DTNA: variants seen among roughly 807,000 people sequenced by gnomAD.
DTNA encodes dystrobrevin alpha.
A neutral mutation model predicts 100.7 loss-of-function variants in DTNA; 43 were observed. The observed-to-expected ratio is 0.43, with a 90% CI of 0.33 to 0.55. The LOEUF is 0.55. Ranked by LOEUF, DTNA falls within the 20% of genes least tolerant of loss-of-function variation. The probability of loss-of-function intolerance (pLI) is 0.04; values close to 1 mark genes in which losing one functional copy is unlikely to be tolerated. For missense variants in DTNA, 798 were observed against 953.9 expected (o/e 0.84, Z 2.15); for synonymous variants, 349 against 347.9 (o/e 1.00, Z -0.04).
At chr18:34,698,312 A>G (rs1240814929) in intron 1 of DTNA, among the ~76,000 whole-genome samples, 3 of 152,214 alleles carry the variant, frequency 2.0e-5, no homozygotes, top group Non-Finnish European at 4.4e-5. Context: ...TTTTTCTGTC[A>G]TAGCTTTGTA....
intron 17 of DTNA, among the ~76,000 whole-genome samples, chr18:34,874,422 C>T (rs1301194571): frequency 3.3e-5 from 5 of 152,224 alleles, no homozygotes; most frequent in Non-Finnish European, 1.5e-5. Flanking sequence ...CATTTAGAGA[C>T]AAATCCTTAA....
chr18:34,635,691 G>A (rs904203216), intron 1 of DTNA, among the ~76,000 whole-genome samples: 3 of 151,858 alleles, frequency 2.0e-5, no homozygotes, highest in Non-Finnish European at 2.9e-5. Context: ...TTTACTTAAC[G>A]ATAACAAAAA....
At chr18:34,655,777 T>C (rs1254194936) in intron 1 of DTNA, among the ~76,000 whole-genome samples, 1 of 152,208 alleles carries the variant, frequency 6.6e-6, no homozygotes, top group African/African-American at 2.4e-5. Context: ...TTGAGCACAA[T>C]AAAACTCTTA....
intron 9 of DTNA, chr18:34,825,164 G>C (rs1308069344): frequency 6.8e-7 from 1 of 1,466,912 alleles, no homozygotes; most frequent in Non-Finnish European, 9.5e-7. Flanking sequence ...TGAGCAGGTG[G>C]TGACATTTTG....
At chr18:34,863,849 C>A in intron 16 of DTNA, 117 bp from the exon 17 acceptor site, 2 of 961,320 alleles carry the variant, frequency 2.1e-6, no homozygotes, top group Non-Finnish European at 3.2e-6. Flanking sequence ...GCCTGGTAAC[C>A]TTGTCAGAGA....
chr18:34,655,154 C>G (rs189933365), intron 1 of DTNA, among the ~76,000 whole-genome samples: 6 of 152,104 alleles, frequency 3.9e-5, no homozygotes, highest in Non-Finnish European at 7.3e-5. Context: ...TGTAAACCCC[C>G]GTTTAAGTAG....
intron 6 of DTNA, among the ~76,000 whole-genome samples, chr18:34,813,804 T>C (rs908310638): frequency 2.1e-5 from 3 of 141,730 alleles, no homozygotes; most frequent in African/African-American, 5.4e-5. Context: ...ATTGTGCCAC[T>C]GCACTCCAGC....
At position 34,605,542 on chromosome 18, in the gene DTNA, G is replaced by A. The variant is rs974497244; in HGVS notation, c.-2+112028G>A. Among the ~76,000 whole-genome samples the A allele has an allele frequency of 3.3e-5, 5 of 151,908 alleles. No homozygotes were observed. The East Asian group carries it at 9.6e-4, about 29-fold the overall frequency. On this transcript the variant is annotated intron_variant, in intron 1 of 19. Transcript: ENST00000283365. ...TCTGATGACAAGGGATGAAGCAAAT[G>A]AAAGTGCTGCTGCCTGGCTTAGTTA...
At chr18:34,496,931 C>G (rs1194433520) in intron 1 of DTNA, among the ~76,000 whole-genome samples, 1 of 152,132 alleles carries the variant, frequency 6.6e-6, no homozygotes, top group Non-Finnish European at 1.5e-5. Context: ...CTAGTTACTT[C>G]TGTATTCACC....
At chr18:34,671,081 T>G (rs2145060687) in intron 1 of DTNA, among the ~76,000 whole-genome samples, 1 of 152,310 alleles carries the variant, frequency 6.6e-6, no homozygotes, top group African/African-American at 2.4e-5. Flanking sequence ...CAGTTCAAGC[T>G]TCCCAGCTGC....
chr18:34,795,394 T>C (rs1037374365), intron 4 of DTNA, among the ~76,000 whole-genome samples: 1 of 152,220 alleles, frequency 6.6e-6, no homozygotes, highest in African/African-American at 2.4e-5. Context: ...AAATAAACAA[T>C]TTTACAACTA....
intron 3 of DTNA, among the ~76,000 whole-genome samples, chr18:34,788,145 T>C (rs1484076280): frequency 6.6e-6 from 1 of 152,180 alleles, no homozygotes; most frequent in African/African-American, 2.4e-5. Context: ...ATCTAGTGGT[T>C]CATAGTCATT....
intron 1 of DTNA, among the ~76,000 whole-genome samples, chr18:34,534,805 C>T (rs1055241870): frequency 2.0e-5 from 3 of 152,080 alleles, no homozygotes; most frequent in Non-Finnish European, 2.9e-5. Flanking sequence ...ATCCATATCC[C>T]TGCAAAGGAC....
chr18:34,780,629 C>T (rs1186976881), intron 3 of DTNA, among the ~76,000 whole-genome samples: 4 of 152,120 alleles, frequency 2.6e-5, no homozygotes, highest in Non-Finnish European at 5.9e-5. Flanking sequence ...TCAGAATCTG[C>T]TTCAAACATG....
chr18:34,714,914 G>A (rs2083687512), intron 1 of DTNA, among the ~76,000 whole-genome samples: 1 of 152,020 alleles, frequency 6.6e-6, no homozygotes, highest in Non-Finnish European at 1.5e-5. Context: ...GTAGGGACAT[G>A]GATGAAACTG....
chr18:34,826,254 A>G (rs987183485), intron 9 of DTNA, among the ~76,000 whole-genome samples: 51 of 152,146 alleles, frequency 3.4e-4, no homozygotes, highest in African/African-American at 1.2e-3. Context: ...TCCATAAGTT[A>G]TTGGGGTACA....
At chr18:34,675,090 C>T (rs972860161) in intron 1 of DTNA, among the ~76,000 whole-genome samples, 8 of 152,196 alleles carry the variant, frequency 5.3e-5, no homozygotes, top group East Asian at 3.9e-4. Context: ...CAAAGGAACT[C>T]GGACCACCTA....
intron 11 of DTNA, 140 bp from the exon 12 acceptor site, chr18:34,837,954 C>CA (rs2096187568): frequency 1.2e-6 from 1 of 825,206 alleles, no homozygotes; most frequent in African/African-American, 1.7e-5. Flanking sequence ...AATCTGAAAA[C>CA]ATCTTGAACA....
At chr18:34,601,375 A>G (rs910872242) in intron 1 of DTNA, among the ~76,000 whole-genome samples, 5 of 152,192 alleles carry the variant, frequency 3.3e-5, no homozygotes, top group African/African-American at 1.2e-4. Context: ...CTGACATGGC[A>G]TACTGCTAAG....
Sources: gnomAD v4.1 joint callset for allele counts (sites outside exome capture counted in the v4.1 genomes callset) on GRCh38, gnomAD v4.1.1 for gene constraint, MANE v1.5 for transcripts, NCBI Gene and HGNC (gene_info 2026-07-23, HGNC 2026-07-21) for gene names.